The following TOMM7 variants were observed in gnomAD, a reference collection of about 807,000 sequenced individuals.
TOMM7 encodes mitochondrial import receptor subunit TOM7 homolog.
TOMM7 carries 8 observed loss-of-function variants against 9.5 expected under a neutral mutation model. The observed-to-expected ratio is 0.84, with a 90% CI of 0.49 to 1.51. The LOEUF (loss-of-function observed/expected upper bound fraction) is 1.51, where lower values mean the gene tolerates loss of function less well. Among genes scored for constraint, TOMM7 ranks in the 40% most tolerant of loss-of-function variants. The pLI, the probability that TOMM7 is intolerant of heterozygous loss-of-function variation, is 0.00. For synonymous variants in TOMM7, 27 were observed against 21.4 expected, an observed-to-expected ratio of 1.26 and a Z score of -0.72; for missense variants, 74 against 63.7, an observed-to-expected ratio of 1.16 and a Z score of -0.55.
At chr7:22,814,947 C>T (rs1329571696) in intron 2 of TOMM7, among the ~76,000 whole-genome samples, 1 of 152,152 alleles carries the variant, frequency 6.6e-6, no homozygotes, top group Non-Finnish European at 1.5e-5. Flanking sequence ...TAATTCTGTT[C>T]CTTTCAGAGT....
In TOMM7 at chr7:22,822,764, T is replaced by A; in HGVS notation, c.16A>T (p.Lys6Ter). The A allele has an allele frequency of 6.2e-7, 1 of 1,614,174 alleles. No homozygotes were observed. Among genetic ancestry groups the A allele is most frequent in the Non-Finnish European group, 8.5e-7 (1 of 1,180,012 alleles). Residue 6 changes from lysine (K) to a stop codon, truncating the protein, a stop_gained, in exon 1 of 3, where the codon AAA becomes TAA. Coordinates refer to ENST00000358435, the MANE Select transcript of TOMM7 (RefSeq NM_019059.5). LOFTEE classifies it high-confidence loss of function. The part of the protein sequence containing the change: MVKLS[K>*]EAKQRLQQLF... ...TGCTGTAGTCTCTGCTTGGCCTCTT[T>A]GCTCAGCTTCACCATGGCGACGGCC...
At chr7:22,818,276 C>G (rs768864342) in intron 1 of TOMM7, 1 of 426,488 alleles carries the variant, frequency 2.3e-6, no homozygotes, top group Admixed American at 3.7e-5. Flanking sequence ...CTATCTTATT[C>G]CTTTCTTTTT....
chr7:22,818,977 T>C (rs1782351612), intron 1 of TOMM7, among the ~76,000 whole-genome samples: 1 of 151,482 alleles, frequency 6.6e-6, no homozygotes. Flanking sequence ...ACCTCTCCTT[T>C]TATAAAACAA....
At chr7:22,816,674 G>C (rs10269414) in intron 2 of TOMM7, among the ~76,000 whole-genome samples, 1 of 152,078 alleles carries the variant, frequency 6.6e-6, no homozygotes, top group Non-Finnish European at 1.5e-5. Flanking sequence ...TACCCTTTGA[G>C]AATAAAAAAG....
chr7:22,813,891 A>T (rs566577257), intron 2 of TOMM7, among the ~76,000 whole-genome samples: 25 of 148,148 alleles, frequency 1.7e-4, no homozygotes, highest in African/African-American at 6.1e-4. Flanking sequence ...AAACTGCATT[A>T]TTAAATGACA....
intron 2 of TOMM7, 147 bp downstream of exon 2, chr7:22,817,853 A>T (rs1287836084): frequency 1.6e-6 from 1 of 632,912 alleles, no homozygotes; most frequent in East Asian, 2.8e-5. Flanking sequence ...GGGAAGAGAA[A>T]GTAGTTGCAG....
chr7:22,817,134 G>T (rs1190072540), intron 2 of TOMM7, among the ~76,000 whole-genome samples: 1 of 152,180 alleles, frequency 6.6e-6, no homozygotes, highest in African/African-American at 2.4e-5. Context: ...AGTGCCACAA[G>T]TATCAGTCGT....
At chr7:22,819,675 G>A (rs2128182597) in intron 1 of TOMM7, among the ~76,000 whole-genome samples, 2 of 152,290 alleles carry the variant, frequency 1.3e-5, no homozygotes, top group South Asian at 4.1e-4. Flanking sequence ...TGGAGTGTAG[G>A]GAACAAGAGT....
intron 1 of TOMM7, among the ~76,000 whole-genome samples, chr7:22,821,411 AAAAAAAAAAAAAG>A (rs1782388952): frequency 1.4e-5 from 2 of 143,266 alleles, no homozygotes; most frequent in Non-Finnish European, 3.1e-5. Context: ...GTCTCAAAAA[AAAAAAAAAAAAAG>A]AAAAAGAAAA....
chr7:22,813,111 G>A lies in TOMM7; in HGVS notation c.*59C>T. The stretch of plus-strand genomic sequence containing the variant: ...TGTCCCATCTCTTATCCGAGCCAGA[G>A]CACACATCTTCCATGCTGTCCGCTG... On this transcript the variant is annotated 3_prime_UTR_variant, in exon 3 of 3. Coordinates refer to ENST00000358435, the MANE Select transcript of TOMM7 (RefSeq NM_019059.5). 9 of 1,589,300 alleles carry A rather than the reference G, an allele frequency of 5.7e-6. No individual in the cohort carries two copies. The highest frequency in any genetic ancestry group is 7.8e-6 in the Non-Finnish European group (9 of 1,157,490).
chr7:22,813,233 A>C (rs764908509), intron 2 of TOMM7, 48 bp from the exon 3 acceptor site: 3 of 1,579,458 alleles, frequency 1.9e-6, no homozygotes, highest in Non-Finnish European at 2.6e-6. Flanking sequence ...CGAAATAAAA[A>C]TCTTCTAGAC....
chr7:22,822,284 C>A (rs1481027814), intron 1 of TOMM7: 5 of 1,548,432 alleles, frequency 3.2e-6, no homozygotes, highest in Non-Finnish European at 4.4e-6. Context: ...TGTCTCGATT[C>A]CCTGAACAGG....
chr7:22,814,590 T>C (rs35943474), intron 2 of TOMM7, among the ~76,000 whole-genome samples: 3,880 of 152,276 alleles, frequency 0.025, 67 homozygotes, highest in Middle Eastern at 0.12. Context: ...TTGCTCAGCC[T>C]TATGCAGATA....
chr7:22,814,871 T>A (rs1055178482), intron 2 of TOMM7, among the ~76,000 whole-genome samples: 1 of 152,218 alleles, frequency 6.6e-6, no homozygotes, highest in Non-Finnish European at 1.5e-5. Flanking sequence ...AATAAATATA[T>A]GTAGAAACAA....
At chr7:22,814,713 T>C (rs1003804836) in intron 2 of TOMM7, among the ~76,000 whole-genome samples, 11 of 152,272 alleles carry the variant, frequency 7.2e-5, no homozygotes, top group Admixed American at 2.0e-4. Flanking sequence ...TGTCAACCAA[T>C]ATTTGCTGAC....
intron 1 of TOMM7, chr7:22,822,240 A>C (rs556794130): frequency 6.4e-7 from 1 of 1,550,846 alleles, no homozygotes; most frequent in African/African-American, 1.4e-5. Flanking sequence ...TATTATTATA[A>C]TCATGCTTTC....
Position 22,815,480 on chromosome 7 carries a change from G to C in TOMM7, c.153-2295C>G, listed in dbSNP as rs11769741. On this transcript the variant is annotated intron_variant, in intron 2 of 2. Coordinates refer to ENST00000358435, the MANE Select transcript of TOMM7 (RefSeq NM_019059.5). ...GGAGGCCCAGGTGGGAGGACTGCTT[G>C]AGCCCAGAAGTTCGAGACCAGACTG... 7.7e-3 allele frequency among the ~76,000 whole-genome samples: 1,162 copies of C among 151,728 alleles called. 9 individuals carry two copies. Among genetic ancestry groups the C allele is most frequent in the Non-Finnish European group, 0.01 (700 of 67,980 alleles).
intron 2 of TOMM7, among the ~76,000 whole-genome samples, chr7:22,814,600 A>G (rs1241342894): frequency 6.6e-6 from 1 of 152,192 alleles, no homozygotes; most frequent in Non-Finnish European, 1.5e-5. Flanking sequence ...TTATGCAGAT[A>G]ATGGAAATGA....
rs760881080 is a variant in TOMM7, at chr7:22,813,102, C to T, written c.*68G>A. On this transcript the variant is annotated 3_prime_UTR_variant, in exon 3 of 3. Coordinates refer to ENST00000358435, the MANE Select transcript of TOMM7 (RefSeq NM_019059.5). Reference sequence around the variant, plus strand: ...ACTGAATGATGTCCCATCTCTTATCCGAGCCAGAGCACACATCTTCCATGC... The same window carrying T: ...ACTGAATGATGTCCCATCTCTTATCTGAGCCAGAGCACACATCTTCCATGC... 1.9e-6 allele frequency: 3 copies of T among 1,561,100 alleles called. No homozygotes were observed. Among genetic ancestry groups the T allele is most frequent in the East Asian group, 2.2e-5 (1 of 44,610 alleles).
Sources: gnomAD v4.1 joint callset for allele counts (sites outside exome capture counted in the v4.1 genomes callset) on GRCh38, gnomAD v4.1.1 for gene constraint, MANE v1.5 for transcripts, NCBI Gene and HGNC (gene_info 2026-07-23, HGNC 2026-07-21) for gene names.